The following ADAM20 variants were observed in gnomAD, a reference collection of about 807,000 sequenced individuals.
ADAM20 encodes the protein disintegrin and metalloproteinase domain-containing protein 20.
For missense variants in ADAM20, 871 were observed against 883.2 expected (o/e 0.99, Z 0.18); for synonymous variants, 305 against 310.2 (o/e 0.98, Z 0.18).
the ADAM20 span, among the ~76,000 whole-genome samples, chr14:70,545,938 T>C: frequency 2.6e-5 from 4 of 152,226 alleles, no homozygotes; most frequent in African/African-American, 7.2e-5. Flanking sequence ...ATATGGATCA[T>C]TTTCAAGGAC....
Position 70,523,765 on chromosome 14 carries a change from G to A in ADAM20, c.993C>T (p.Asn331=), listed in dbSNP as rs1213147149. The change falls in exon 2 of 2, where the codon AAC becomes AAT. Residue 331 remains asparagine (N), a synonymous_variant. Transcript: ENST00000256389. ...AAGTAATTGCAAAAACGACCAACCT[G>A]TTGTCTTCAAAAACATCAACTCCAG... ...FNTGVDVFED[N]RLVVFAITLG... 3 of 1,614,024 alleles carry A rather than the reference G, an allele frequency of 1.9e-6. No individual in the cohort carries two copies. The highest frequency in any genetic ancestry group is 2.5e-6 in the Non-Finnish European group (3 of 1,179,968).
At chr14:70,535,914 G>A (rs1883821425), upstream of ADAM20, among the ~76,000 whole-genome samples, 1 of 152,112 alleles carries the variant, frequency 6.6e-6, no homozygotes, top group Non-Finnish European at 1.5e-5. Flanking sequence ...GAAATTGTAA[G>A]AGATATAAAA....
At chr14:70,554,940 G>A in the ADAM20 span, among the ~76,000 whole-genome samples, 1 of 152,190 alleles carries the variant, frequency 6.6e-6, no homozygotes, top group South Asian at 2.1e-4. Context: ...GCTCAAAGGC[G>A]TCGTGACAGA....
chr14:70,576,441 A>G, the ADAM20 span, among the ~76,000 whole-genome samples: 1 of 152,210 alleles, frequency 6.6e-6, no homozygotes, highest in Admixed American at 6.5e-5. Flanking sequence ...TTTTTTTTAA[A>G]AAATCTGAAT....
the ADAM20 span, among the ~76,000 whole-genome samples, chr14:70,562,048 C>T: frequency 6.6e-6 from 1 of 152,236 alleles, no homozygotes; most frequent in Admixed American, 6.5e-5. Context: ...CCATGGACAG[C>T]TTGAACCGAG....
Position 70,533,588 on chromosome 14 carries a change from C to A in ADAM20, c.-177+1209G>T, listed in dbSNP as rs908704822. Among the ~76,000 whole-genome samples, 39 of 151,986 alleles carry A rather than the reference C, an allele frequency of 2.6e-4. 1 individual carries two copies. The highest frequency in any genetic ancestry group is 1.6e-3 in the Admixed American group (25 of 15,264). On this transcript the variant is annotated intron_variant, in intron 1 of 1. Coordinates refer to ENST00000256389, the MANE Select transcript of ADAM20 (RefSeq NM_003814.5). ...ACACAGGGAGAAGAACATCACACAC[C>A]AATGCTTGTTGAGGGATGGGGGGCA... is the stretch of plus-strand genomic sequence containing the variant.
At chr14:70,543,945 C>T in the ADAM20 span, among the ~76,000 whole-genome samples, 1 of 152,182 alleles carries the variant, frequency 6.6e-6, no homozygotes, top group African/African-American at 2.4e-5. Flanking sequence ...CAAAGTGCAT[C>T]AGCCTAATGG....
At chr14:70,555,926 GT>G in the ADAM20 span, among the ~76,000 whole-genome samples, 1 of 152,138 alleles carries the variant, frequency 6.6e-6, no homozygotes, top group Admixed American at 6.5e-5. Flanking sequence ...ACCTGCAACA[GT>G]TCCTTTTAAC....
the ADAM20 span, among the ~76,000 whole-genome samples, chr14:70,545,461 C>T: frequency 6.6e-6 from 1 of 152,092 alleles, no homozygotes; most frequent in South Asian, 2.1e-4. Context: ...CAACAATCTG[C>T]TGCCTACAAG....
At chr14:70,565,530 T>C in the ADAM20 span, among the ~76,000 whole-genome samples, 1 of 152,110 alleles carries the variant, frequency 6.6e-6, no homozygotes, top group South Asian at 2.1e-4. Context: ...AGTGACTCAT[T>C]ACAGGCAAAG....
At chr14:70,555,045 A>G in the ADAM20 span, among the ~76,000 whole-genome samples, 1 of 152,208 alleles carries the variant, frequency 6.6e-6, no homozygotes, top group Non-Finnish European at 1.5e-5. Context: ...TTACGAAGTC[A>G]TTTACGGTGT....
chr14:70,544,109 G>C, the ADAM20 span, among the ~76,000 whole-genome samples: 1 of 137,690 alleles, frequency 7.3e-6, no homozygotes, highest in Non-Finnish European at 1.6e-5. Flanking sequence ...CCTCCCCTCC[G>C]ACCAGAGACA....
rs768806385 is a variant in ADAM20, at chr14:70,524,134, A to C, written c.624T>G (p.Phe208Leu). 2.5e-6 allele frequency: 4 copies of C among 1,613,752 alleles called. No homozygotes were observed. In the Admixed American group the frequency reaches 6.7e-5, roughly 27 times the overall value. The part of the protein sequence containing the change: ...SFVGWWTHQR[F>L]VELVVVVDNI... ...TATCCACGACCACTACCAGCTCAAC[A>C]AACCGCTGATGGGTCCACCAGCCCA... Residue 208 changes from phenylalanine (F) to leucine (L), a missense_variant, in exon 2 of 2, where the codon TTT (phenylalanine) becomes TTG (leucine). Physicochemically the swap from Phe to Leu is conservative, Grantham distance 22 (BLOSUM62 0). Transcript: ENST00000256389.
At chr14:70,570,853 ATCT>A in the ADAM20 span, among the ~76,000 whole-genome samples, 1 of 152,206 alleles carries the variant, frequency 6.6e-6, no homozygotes, top group Non-Finnish European at 1.5e-5. Flanking sequence ...AGATGCAAAA[ATCT>A]TCAACAACAT....
chr14:70,575,929 T>C, the ADAM20 span, among the ~76,000 whole-genome samples: 1,917 of 152,268 alleles, frequency 0.013, 47 homozygotes, highest in African/African-American at 0.043. Flanking sequence ...AGTCAATTAA[T>C]AGTGTTGTGT....
the ADAM20 span, among the ~76,000 whole-genome samples, chr14:70,544,414 T>G: frequency 3.5e-4 from 54 of 152,166 alleles, no homozygotes; most frequent in Non-Finnish European, 6.3e-4. Context: ...AAATGCATAA[T>G]AGAAAATTTA....
intron 1 of ADAM20, among the ~76,000 whole-genome samples, chr14:70,532,225 T>C (rs992816715): frequency 2.0e-5 from 3 of 151,682 alleles, no homozygotes; most frequent in East Asian, 1.9e-4. Context: ...AACTACACAA[T>C]GGGGGAAAAA....
the ADAM20 span, among the ~76,000 whole-genome samples, chr14:70,562,880 AAACT>A: frequency 6.6e-6 from 1 of 152,234 alleles, no homozygotes; most frequent in Non-Finnish European, 1.5e-5. Flanking sequence ...GTGTGAGAAC[AAACT>A]AATAAAACTT....
At chr14:70,574,177 A>G in the ADAM20 span, among the ~76,000 whole-genome samples, 1,445 of 152,346 alleles carry the variant, frequency 9.5e-3, 17 homozygotes, top group African/African-American at 0.033. Flanking sequence ...CTAGAAATCA[A>G]TAAGAGGAAA....
Sources: gnomAD v4.1 joint callset for allele counts (sites outside exome capture counted in the v4.1 genomes callset) on GRCh38, gnomAD v4.1.1 for gene constraint, MANE v1.5 for transcripts, NCBI Gene and HGNC (gene_info 2026-07-23, HGNC 2026-07-21) for gene names.